Variants in UBE2E2 observed in about 807,000 individuals in gnomAD.
UBE2E2 encodes ubiquitin conjugating enzyme E2 E2.
A neutral mutation model predicts 24.7 loss-of-function variants in UBE2E2; 6 were observed. The observed-to-expected ratio is 0.24, with a 90% CI of 0.13 to 0.48. The LOEUF (loss-of-function observed/expected upper bound fraction) is 0.48. Ranked by LOEUF, UBE2E2 falls within the 20% of genes least tolerant of loss-of-function variation. UBE2E2 has a pLI of 0.99. For missense variants in UBE2E2, 169 were observed against 245.0 expected, an observed-to-expected ratio of 0.69 and a Z score of 2.07; for synonymous variants, 104 against 83.6, an observed-to-expected ratio of 1.24 and a Z score of -1.33.
chr3:23,324,079 A>T (rs966235308), intron 3 of UBE2E2, among the ~76,000 whole-genome samples: 1 of 152,154 alleles, frequency 6.6e-6, no homozygotes, highest in African/African-American at 2.4e-5. Flanking sequence ...ATAACTGTGC[A>T]ATGCTAAACA....
At chr3:23,478,896 ATTT>A (rs5847235) in intron 3 of UBE2E2, among the ~76,000 whole-genome samples, 9 of 120,508 alleles carry the variant, frequency 7.5e-5, no homozygotes, top group Non-Finnish European at 9.4e-5. Context: ...ATATATATAT[ATTT>A]TTTTTTTAAT....
At chr3:23,251,338 T>G (rs1360254485) in intron 3 of UBE2E2, among the ~76,000 whole-genome samples, 2 of 152,232 alleles carry the variant, frequency 1.3e-5, no homozygotes, top group Non-Finnish European at 2.9e-5. Context: ...TTCTCTGGGT[T>G]GACTTTTCAT....
intron 3 of UBE2E2, among the ~76,000 whole-genome samples, chr3:23,405,625 A>G (rs1697337654): frequency 6.6e-6 from 1 of 152,166 alleles, no homozygotes; most frequent in African/African-American, 2.4e-5. Context: ...AGAGGTGTCC[A>G]GGCTTTTGAC....
At chr3:23,554,049 T>C (rs1282824257) in intron 5 of UBE2E2, among the ~76,000 whole-genome samples, 2 of 152,020 alleles carry the variant, frequency 1.3e-5, no homozygotes, top group Non-Finnish European at 2.9e-5. Flanking sequence ...AAAAAAATCC[T>C]AAAACTTACC....
chr3:23,541,878 C>T (rs187742460), intron 5 of UBE2E2, among the ~76,000 whole-genome samples: 1 of 152,320 alleles, frequency 6.6e-6, no homozygotes, highest in East Asian at 1.9e-4. Context: ...AACCACCTTC[C>T]TTGCATACAT....
chr3:23,469,619 C>T (rs1384141272), intron 3 of UBE2E2, among the ~76,000 whole-genome samples: 1 of 152,144 alleles, frequency 6.6e-6, no homozygotes, highest in Non-Finnish European at 1.5e-5. Context: ...AGAGTTGAAC[C>T]TGCCAAGTTG....
intron 3 of UBE2E2, among the ~76,000 whole-genome samples, chr3:23,259,326 T>C (rs929617805): frequency 1.3e-5 from 2 of 152,224 alleles, no homozygotes; most frequent in Non-Finnish European, 2.9e-5. Flanking sequence ...ATATTTAAGT[T>C]ATCTTTTGGG....
chr3:23,242,313 T>C (rs1015523053), intron 3 of UBE2E2, among the ~76,000 whole-genome samples: 20 of 151,974 alleles, frequency 1.3e-4, no homozygotes, highest in African/African-American at 4.1e-4. Flanking sequence ...ATAGTAGTAA[T>C]CTGTTGCATA....
At chr3:23,395,756 A>G (rs1697058523) in intron 3 of UBE2E2, among the ~76,000 whole-genome samples, 1 of 152,216 alleles carries the variant, frequency 6.6e-6, no homozygotes, top group African/African-American at 2.4e-5. Context: ...AGGAAGGAGA[A>G]TCGGGGTATA....
At chr3:23,489,887 C>G (rs1341023476) in intron 3 of UBE2E2, among the ~76,000 whole-genome samples, 1 of 152,120 alleles carries the variant, frequency 6.6e-6, no homozygotes, top group African/African-American at 2.4e-5. Flanking sequence ...GGGGAAGGAG[C>G]CTTTTCATTT....
chr3:23,463,428 T>C (rs893926185), intron 3 of UBE2E2, among the ~76,000 whole-genome samples: 3 of 152,100 alleles, frequency 2.0e-5, no homozygotes, highest in Non-Finnish European at 4.4e-5. Flanking sequence ...TGCTTTACTA[T>C]AAGCAATGAG....
chr3:23,229,854 G>C (rs1696927128), intron 3 of UBE2E2, among the ~76,000 whole-genome samples: 1 of 152,152 alleles, frequency 6.6e-6, no homozygotes, highest in Non-Finnish European at 1.5e-5. Context: ...TTTTAATTTA[G>C]ATACCAATAT....
intron 3 of UBE2E2, among the ~76,000 whole-genome samples, chr3:23,475,343 T>A (rs1220772295): frequency 6.6e-6 from 1 of 152,072 alleles, no homozygotes; most frequent in Non-Finnish European, 1.5e-5. Context: ...CATACCTGGC[T>A]GGCATCTGCA....
intron 3 of UBE2E2, among the ~76,000 whole-genome samples, chr3:23,273,270 T>G (rs1299892175): frequency 6.6e-6 from 1 of 152,194 alleles, no homozygotes; most frequent in Non-Finnish European, 1.5e-5. Flanking sequence ...CCGGGCGCAG[T>G]GGCTCACGCC....
intron 3 of UBE2E2, among the ~76,000 whole-genome samples, chr3:23,355,860 G>A (rs761638114): frequency 2.6e-5 from 4 of 152,140 alleles, no homozygotes; most frequent in Admixed American, 6.5e-5. Context: ...TATGCAGTTC[G>A]TACATACCTC....
intron 2 of UBE2E2, among the ~76,000 whole-genome samples, chr3:23,216,466 C>T (rs1696478313): frequency 6.6e-6 from 1 of 151,968 alleles, no homozygotes; most frequent in Non-Finnish European, 1.5e-5. Flanking sequence ...ATTTAAGAAC[C>T]AAGGCAAAGG....
intron 5 of UBE2E2, among the ~76,000 whole-genome samples, chr3:23,586,604 A>T (rs966999002): frequency 6.6e-6 from 1 of 152,130 alleles, no homozygotes; most frequent in East Asian, 1.9e-4. Context: ...AGCCAATAAC[A>T]TGATTTTTTT....
At chr3:23,389,237 C>A (rs1026172119) in intron 3 of UBE2E2, among the ~76,000 whole-genome samples, 1 of 152,136 alleles carries the variant, frequency 6.6e-6, no homozygotes, top group Non-Finnish European at 1.5e-5. Flanking sequence ...AGCAATCCTG[C>A]GGAGCACCAC....
At chr3:23,442,916 A>G (rs1031641458) in intron 3 of UBE2E2, among the ~76,000 whole-genome samples, 2 of 152,242 alleles carry the variant, frequency 1.3e-5, no homozygotes, top group African/African-American at 4.8e-5. Context: ...CTTTGATAAT[A>G]TATCAAATAT....
Sources: allele counts gnomAD v4.1 joint callset (sites outside exome capture counted in the v4.1 genomes callset), GRCh38; gene constraint gnomAD v4.1.1; transcripts MANE v1.5; gene names NCBI Gene and HGNC (gene_info 2026-07-23, HGNC 2026-07-21).